The following RHPN2 variants were observed in gnomAD, a reference collection of about 807,000 sequenced individuals.
RHPN2 encodes rhophilin Rho GTPase binding protein 2, also known as rhophilin-2.
A neutral mutation model predicts 79.0 loss-of-function variants in RHPN2; 40 were observed. The observed-to-expected ratio is 0.51, with a 90% CI of 0.39 to 0.66. RHPN2 has a LOEUF of 0.66. RHPN2 is among the 30% of genes least tolerant of loss of function. The pLI is 0.00. For synonymous variants in RHPN2, 285 were observed against 363.5 expected (o/e 0.78, Z 2.46); for missense variants, 686 against 883.5 (o/e 0.78, Z 2.83).
intron 2 of RHPN2, among the ~76,000 whole-genome samples, chr19:33,038,062 G>T (rs770816693): frequency 1.3e-5 from 2 of 151,974 alleles, no homozygotes; most frequent in African/African-American, 4.8e-5. Context: ...AAAATTAGCC[G>T]AATGCCAGTC....
chr19:33,057,878 G>A (rs1972246907), intron 1 of RHPN2, among the ~76,000 whole-genome samples: 1 of 151,870 alleles, frequency 6.6e-6, no homozygotes, highest in Non-Finnish European at 1.5e-5. Context: ...GGGACTCCTG[G>A]GCTCGGCGCA....
In RHPN2 at chr19:33,003,003, A is replaced by C; in HGVS notation, c.761-3T>G. The C allele has an allele frequency of 6.2e-7, 1 of 1,613,498 alleles. No individual in the cohort carries two copies. Among genetic ancestry groups the C allele is most frequent in the Non-Finnish European group, 8.5e-7 (1 of 1,179,546 alleles). ...GTCTTTCAGGTAATTTAAAACCCCTAAAAGTGGAAAATGTTTTGCCCATTA... is the reference window on the plus strand; with the variant it reads ...GTCTTTCAGGTAATTTAAAACCCCTCAAAGTGGAAAATGTTTTGCCCATTA... On this transcript the variant is annotated splice_polypyrimidine_tract_variant and splice_region_variant and intron_variant, in intron 7 of 14. Transcript: ENST00000254260.
chr19:33,047,198 C>G (rs1257101442), intron 1 of RHPN2, among the ~76,000 whole-genome samples: 1 of 152,186 alleles, frequency 6.6e-6, no homozygotes, highest in Non-Finnish European at 1.5e-5. Context: ...GTCTTTTTAT[C>G]TGTCTGGTTG....
At chr19:33,043,626 A>G (rs1278804192) in intron 2 of RHPN2, among the ~76,000 whole-genome samples, 4 of 152,054 alleles carry the variant, frequency 2.6e-5, no homozygotes, top group African/African-American at 9.7e-5. Flanking sequence ...GAAACTCTGC[A>G]CTCTTTGTAA....
intron 7 of RHPN2, among the ~76,000 whole-genome samples, chr19:33,004,999 G>A (rs866525102): frequency 6.6e-6 from 1 of 151,376 alleles, no homozygotes; most frequent in Non-Finnish European, 1.5e-5. Flanking sequence ...ATTCCATCAC[G>A]ACAGGTATGG....
intron 2 of RHPN2, among the ~76,000 whole-genome samples, chr19:33,041,166 C>T (rs1334644257): frequency 6.6e-6 from 1 of 152,148 alleles, no homozygotes; most frequent in Non-Finnish European, 1.5e-5. Context: ...CATTTCCATT[C>T]CTGCATTTCT....
intron 14 of RHPN2, among the ~76,000 whole-genome samples, chr19:32,985,331 A>C: frequency 6.6e-6 from 1 of 152,000 alleles, no homozygotes; most frequent in East Asian, 1.9e-4. Flanking sequence ...ACAAAACAAA[A>C]AACAACAACA....
chr19:33,026,246 G>A (rs28570619), intron 3 of RHPN2, among the ~76,000 whole-genome samples: 13,268 of 151,756 alleles, frequency 0.087, 718 homozygotes, highest in South Asian at 0.23. Context: ...CAAAGTGTTG[G>A]GATTACGGGA....
In RHPN2 at chr19:32,996,166, G is replaced by A. The variant is rs139766778; in HGVS notation, c.1280C>T (p.Ala427Val). 1.4e-4 allele frequency: 231 copies of A among 1,614,038 alleles called. 2 individuals are homozygous for A. In the Middle Eastern group the frequency reaches 6.3e-3, roughly 44 times the overall value. Reference sequence around the variant, plus strand: ...GCTCCGCAGCTTCTTGCAGAGGCTGGCCTCCCGCACCGACTCCTCGTGATG... The same window carrying A: ...GCTCCGCAGCTTCTTGCAGAGGCTGACCTCCCGCACCGACTCCTCGTGATG... ...MAHHEESVREASLCKKLRSIE... is the reference protein window; with the variant it reads ...MAHHEESVREVSLCKKLRSIE... Residue 427 changes from alanine to valine, a missense_variant, in exon 11 of 15, where the codon GCC (alanine) becomes GTC (valine). Coordinates refer to ENST00000254260, the MANE Select transcript of RHPN2 (RefSeq NM_033103.5).
rs116397924 is a variant in RHPN2, at chr19:33,026,972, T to G, written c.186-340A>C. ...ACCCACTTGAAAAGAAATGAATGAT[T>G]CCAGCCGGGCATGGTGGCTTACGTC... On this transcript the variant is annotated intron_variant, in intron 2 of 14. Transcript: ENST00000254260. 2,941 of 341,442 alleles carry G rather than the reference T, an allele frequency of 8.6e-3. 36 individuals carry two copies. Among genetic ancestry groups the G allele is most frequent in the African/African-American group, 0.027 (1,241 of 46,694 alleles). 21.2% of individuals were successfully genotyped at this position (341,442 alleles called of 1,614,324 possible). A position where few individuals can be genotyped will look rare whatever the true frequency, so the allele number is the denominator to read the frequency against.
At chr19:33,036,333 C>G (rs973135617) in intron 2 of RHPN2, among the ~76,000 whole-genome samples, 1 of 151,798 alleles carries the variant, frequency 6.6e-6, no homozygotes, top group African/African-American at 2.4e-5. Context: ...ACCCCCATCT[C>G]TACAGAAAAT....
Position 32,993,951 on chromosome 19 carries a change from T to C in RHPN2, c.1497+26A>G, listed in dbSNP as rs568041788. 16 of 1,562,706 alleles carry C rather than the reference T, an allele frequency of 1.0e-5. No individual in the cohort carries two copies. In the South Asian group the frequency reaches 1.8e-4, roughly 17 times the overall value. On this transcript the variant is annotated intron_variant, in intron 12 of 14. Coordinates refer to ENST00000254260, the MANE Select transcript of RHPN2 (RefSeq NM_033103.5). ...GTGAAGAGCTGTCCCCTTAGGTCAT[T>C]TGAATGTAGAGAGCATTCAACATAC...
intron 5 of RHPN2, among the ~76,000 whole-genome samples, chr19:33,012,288 C>T (rs1447044615): frequency 6.6e-6 from 1 of 151,958 alleles, no homozygotes; most frequent in Non-Finnish European, 1.5e-5. Flanking sequence ...GTGTTCCACC[C>T]GCTTCAGCCT....
intron 1 of RHPN2, among the ~76,000 whole-genome samples, chr19:33,056,953 C>CAAAA (rs754855820): frequency 1.7e-5 from 2 of 114,436 alleles, no homozygotes; most frequent in Admixed American, 1.7e-4. Flanking sequence ...AATAAAAATA[C>CAAAA]AAAAAAAAAA....
At chr19:32,987,093 G>T (rs1474150054) in intron 14 of RHPN2, among the ~76,000 whole-genome samples, 5 of 151,608 alleles carry the variant, frequency 3.3e-5, no homozygotes, top group African/African-American at 1.2e-4. Context: ...GCCCAGGCTG[G>T]TCTCGAACTC....
chr19:33,055,733 TA>T (rs143391688), intron 1 of RHPN2, among the ~76,000 whole-genome samples: 159 of 136,188 alleles, frequency 1.2e-3, no homozygotes, highest in Middle Eastern at 3.8e-3. Context: ...GCTTCTGGGT[TA>T]AAAAAAAAAA....
chr19:33,048,150 G>A (rs1972156897), intron 1 of RHPN2, among the ~76,000 whole-genome samples: 1 of 151,740 alleles, frequency 6.6e-6, no homozygotes, highest in African/African-American at 2.4e-5. Context: ...CTGCCTCCTG[G>A]GTTCAAGTGA....
chr19:32,981,417 A>AG (rs71176176), intron 14 of RHPN2, among the ~76,000 whole-genome samples: 19,586 of 42,204 alleles, frequency 0.46, 4,663 homozygotes, highest in East Asian at 0.68. Flanking sequence ...ATAAAAAAAA[A>AG]GGGGGGGGGC....
chr19:33,006,193 TAA>T (rs35016567), intron 7 of RHPN2, among the ~76,000 whole-genome samples: 6 of 149,318 alleles, frequency 4.0e-5, no homozygotes, highest in East Asian at 3.9e-4. Flanking sequence ...TTCATTAATT[TAA>T]AAAAAAAAAA....
Sources: allele counts gnomAD v4.1 joint callset (sites outside exome capture counted in the v4.1 genomes callset), GRCh38; gene constraint gnomAD v4.1.1; transcripts MANE v1.5; gene names NCBI Gene and HGNC (gene_info 2026-07-23, HGNC 2026-07-21).